Variants in TMPRSS11E observed in about 807,000 individuals in gnomAD.
The protein encoded by TMPRSS11E is transmembrane protease serine 11E.
A neutral mutation model predicts 48.1 loss-of-function variants in TMPRSS11E; 38 were observed. The observed-to-expected ratio is 0.79, with a 90% confidence interval of 0.61 to 1.04. TMPRSS11E has a LOEUF of 1.04. TMPRSS11E is among the 50% of genes least tolerant of loss of function. TMPRSS11E has a pLI of 0.00. For synonymous variants in TMPRSS11E, 158 were observed against 171.9 expected (o/e 0.92, Z 0.63); for missense variants, 530 against 510.8 (o/e 1.04, Z -0.36).
intron 9 of TMPRSS11E, among the ~76,000 whole-genome samples, chr4:68,479,427 T>A (rs1202747494): frequency 6.6e-6 from 1 of 151,320 alleles, no homozygotes; most frequent in East Asian, 1.9e-4. Flanking sequence ...TATTGGTATT[T>A]TTGGCTTTTT....
At chr4:68,481,904 C>T (rs1729411950) in intron 9 of TMPRSS11E, among the ~76,000 whole-genome samples, 1 of 152,150 alleles carries the variant, frequency 6.6e-6, no homozygotes, top group Non-Finnish European at 1.5e-5. Flanking sequence ...GCACCCACTG[C>T]ACTCCAGCTT....
chr4:68,462,192 G>A (rs145845749), intron 2 of TMPRSS11E, among the ~76,000 whole-genome samples: 13,948 of 152,084 alleles, frequency 0.092, 748 homozygotes, highest in African/African-American at 0.13. Flanking sequence ...TCCTTAATAA[G>A]CAATAAGTGA....
intron 2 of TMPRSS11E, among the ~76,000 whole-genome samples, chr4:68,462,513 G>A (rs1728820232): frequency 6.6e-6 from 1 of 151,364 alleles, no homozygotes; most frequent in Non-Finnish European, 1.5e-5. Context: ...AACCCAGGAG[G>A]CGGAGGTTTC....
chr4:68,496,852 G>A lies in TMPRSS11E; in HGVS notation c.*48G>A. 6.5e-7 allele frequency: 1 copy of A among 1,544,896 alleles called. No homozygotes were observed. ...GATAACATTTTTTTTTGTTTTTTGGGTGTGGAGGCCATTTTTAGAGATACA... is the reference window on the plus strand; with the variant it reads ...GATAACATTTTTTTTTGTTTTTTGGATGTGGAGGCCATTTTTAGAGATACA... On this transcript the variant is annotated 3_prime_UTR_variant, in exon 10 of 10. Coordinates refer to ENST00000305363, the MANE Select transcript of TMPRSS11E (RefSeq NM_014058.4).
At chr4:68,474,673 T>C in intron 5 of TMPRSS11E, 50 bp from the exon 6 acceptor site, 3 of 1,557,396 alleles carry the variant, frequency 1.9e-6, no homozygotes, top group Non-Finnish European at 2.6e-6. Flanking sequence ...CTCGGAGGCA[T>C]AGTGTAACTC....
intron 2 of TMPRSS11E, 129 bp downstream of exon 2, chr4:68,462,074 T>A: frequency 1.7e-6 from 2 of 1,148,724 alleles, no homozygotes; most frequent in South Asian, 1.5e-5. Context: ...CAAAGGGATC[T>A]TTACCTGCTT....
chr4:68,475,477 A>G (rs1310424619), intron 6 of TMPRSS11E, among the ~76,000 whole-genome samples: 7 of 152,144 alleles, frequency 4.6e-5, no homozygotes, highest in Admixed American at 3.9e-4. Context: ...CTAAACACAA[A>G]ACCAAAAGAT....
At chr4:68,450,308 T>C (rs1728460101) in intron 1 of TMPRSS11E, among the ~76,000 whole-genome samples, 1 of 151,964 alleles carries the variant, frequency 6.6e-6, no homozygotes, top group African/African-American at 2.4e-5. Context: ...AAATGCAATT[T>C]CATTAAATTT....
intron 9 of TMPRSS11E, among the ~76,000 whole-genome samples, chr4:68,486,601 T>C (rs2603163): frequency 0.66 from 100,377 of 151,882 alleles, 33,545 homozygotes; most frequent in East Asian, 0.86. Context: ...ATGAAAAGAA[T>C]GTATATTTTC....
intron 1 of TMPRSS11E, among the ~76,000 whole-genome samples, chr4:68,450,607 C>G (rs546733688): frequency 6.6e-6 from 1 of 151,822 alleles, no homozygotes; most frequent in African/African-American, 2.4e-5. Context: ...ATTTAAAAAA[C>G]CAGAAGATGT....
intron 1 of TMPRSS11E, among the ~76,000 whole-genome samples, chr4:68,457,939 G>A (rs559621014): frequency 1.3e-5 from 2 of 152,158 alleles, no homozygotes; most frequent in African/African-American, 2.4e-5. Flanking sequence ...TCAGTGGGTG[G>A]GGGGCTAGGG....
At chr4:68,450,494 A>G (rs1055936519) in intron 1 of TMPRSS11E, among the ~76,000 whole-genome samples, 18 of 151,908 alleles carry the variant, frequency 1.2e-4, no homozygotes, top group African/African-American at 3.6e-4. Flanking sequence ...GTAGGAAGCT[A>G]TAAGTAGAAT....
rs775215408 is a variant in TMPRSS11E, at chr4:68,477,541, C to T, written c.880C>T (p.His294Tyr). ...SSPVPYTNAV[H>Y]RVCLPDASYE... ...CCCTGTTCCCTACACAAATGCAGTA[C>T]ATAGAGTTTGTCTCCCTGATGCATC... is the stretch of plus-strand genomic sequence containing the variant. The change falls in exon 8 of 10, where the codon CAT becomes TAT. Residue 294 changes from histidine to tyrosine, a missense_variant. His to Tyr is a moderately conservative substitution (Grantham distance 83). Coordinates refer to ENST00000305363, the MANE Select transcript of TMPRSS11E (RefSeq NM_014058.4). 1.9e-6 allele frequency: 3 copies of T among 1,613,946 alleles called. No individual in the cohort carries two copies. The highest frequency in any genetic ancestry group is 2.7e-5 in the African/African-American group (2 of 74,922).
rs533141370 is a variant in TMPRSS11E at position 68,453,496 on chromosome 4, A to G, written c.11+5973A>G. Among the ~76,000 whole-genome samples the G allele has an allele frequency of 3.9e-5, 6 of 152,086 alleles. No individual in the cohort carries two copies. The East Asian group carries it at 9.6e-4, about 24-fold the overall frequency. ...TCTTGACTAGAACCTTGGTCTTCTG[A>G]TATATTAATATTATAATTATTAATT... is the stretch of plus-strand genomic sequence containing the variant. On this transcript the variant is annotated intron_variant, in intron 1 of 9. Transcript: ENST00000305363.
At position 68,475,796 on chromosome 4, in the gene TMPRSS11E, A is replaced by G. The variant is rs146622018; in HGVS notation, c.530-465A>G. Among the ~76,000 whole-genome samples, 386 of 152,312 alleles carry G rather than the reference A, an allele frequency of 2.5e-3. 2 individuals carry two copies. Among genetic ancestry groups the G allele is most frequent in the African/African-American group, 8.8e-3 (367 of 41,576 alleles). ...GTGGATCTACAGTATATAGGCCAAG[A>G]TCTTATGATGCACAGGGCAGCCCCC... On this transcript the variant is annotated intron_variant, in intron 6 of 9. Coordinates refer to ENST00000305363, the MANE Select transcript of TMPRSS11E (RefSeq NM_014058.4).
chr4:68,452,857 CT>C (rs527731089), intron 1 of TMPRSS11E, among the ~76,000 whole-genome samples: 147 of 151,984 alleles, frequency 9.7e-4, no homozygotes, highest in African/African-American at 3.4e-3. Context: ...TATATTTGGC[CT>C]TTTAAAAACA....
chr4:68,465,708 A>C (rs947539432), intron 2 of TMPRSS11E, among the ~76,000 whole-genome samples: 11 of 152,116 alleles, frequency 7.2e-5, no homozygotes, highest in African/African-American at 2.4e-4. Context: ...AGAAAGGAGG[A>C]GAGAGACTGT....
chr4:68,480,402 T>C (rs951811644), intron 9 of TMPRSS11E, among the ~76,000 whole-genome samples: 1 of 152,132 alleles, frequency 6.6e-6, no homozygotes, highest in African/African-American at 2.4e-5. Flanking sequence ...CTGTCTTCTC[T>C]ATTCTTATGT....
intron 1 of TMPRSS11E, among the ~76,000 whole-genome samples, chr4:68,451,842 G>C (rs143054129): frequency 2.0e-5 from 3 of 151,838 alleles, no homozygotes; most frequent in African/African-American, 7.2e-5. Flanking sequence ...AGGCAGAACT[G>C]ATGGTTAACC....
Sources: allele counts gnomAD v4.1 joint callset (sites outside exome capture counted in the v4.1 genomes callset), GRCh38; gene constraint gnomAD v4.1.1; transcripts MANE v1.5; gene names NCBI Gene and HGNC (gene_info 2026-07-23, HGNC 2026-07-21).